XPNPEP3: variants seen among roughly 807,000 people sequenced by gnomAD.
XPNPEP3 encodes X-prolyl aminopeptidase 3.
In XPNPEP3, 41 loss-of-function variants were observed where a neutral mutation model predicts 60.0. The observed-to-expected ratio is 0.68, with a 90% CI of 0.53 to 0.89. The LOEUF is 0.89. Among genes scored for constraint, XPNPEP3 ranks in the 40% least tolerant of loss-of-function variants. XPNPEP3 has a pLI of 0.00. For synonymous variants in XPNPEP3, 212 were observed against 223.2 expected, an observed-to-expected ratio of 0.95 and a Z score of 0.45; for missense variants, 598 against 638.9, an observed-to-expected ratio of 0.94 and a Z score of 0.69.
Position 40,901,876 on chromosome 22 carries a change from A to G in XPNPEP3, c.793-5711A>G, listed in dbSNP as rs568586676. On this transcript the variant is annotated intron_variant, in intron 4 of 9. Transcript: ENST00000357137. ...GAGGAGAATGGGAATTAACTGCTTAATGGGTAAGGGATTTTCTTTTCTGGT... is the reference window on the plus strand; with the variant it reads ...GAGGAGAATGGGAATTAACTGCTTAGTGGGTAAGGGATTTTCTTTTCTGGT... Among the ~76,000 whole-genome samples the G allele has an allele frequency of 2.9e-4, 44 of 152,302 alleles. 1 individual carries two copies. The highest frequency in any genetic ancestry group is 3.5e-4 in the Non-Finnish European group (24 of 68,020).
intron 4 of XPNPEP3, among the ~76,000 whole-genome samples, chr22:40,891,578 G>A (rs934475130): frequency 7.2e-5 from 11 of 151,974 alleles, no homozygotes; most frequent in African/African-American, 2.4e-4. Flanking sequence ...GCTCGAACCT[G>A]GGAGGCAGAG....
Position 40,915,661 on chromosome 22 carries a change from T to C in XPNPEP3, c.1055+1337T>C, listed in dbSNP as rs1389440175. On this transcript the variant is annotated intron_variant, in intron 7 of 9. Coordinates refer to ENST00000357137, the MANE Select transcript of XPNPEP3 (RefSeq NM_022098.4). ...TGGGCGGCAGAAAGCCACAGCCTTA[T>C]TGATTTAAGATATCAAATGATAGAT... Among the ~76,000 whole-genome samples, 7 of 152,134 alleles carry C rather than the reference T, an allele frequency of 4.6e-5. No homozygotes were observed. In the East Asian group the frequency reaches 1.3e-3, roughly 29 times the overall value.
intron 4 of XPNPEP3, 45 bp downstream of exon 4, chr22:40,886,560 T>A: frequency 6.3e-7 from 1 of 1,588,546 alleles, no homozygotes; most frequent in East Asian, 2.2e-5. Flanking sequence ...GCGCGGTGGC[T>A]CACGCCTGTA....
At chr22:40,861,340 A>G (rs2057945021) in intron 1 of XPNPEP3, 5 of 1,613,976 alleles carry the variant, frequency 3.1e-6, no homozygotes, top group Non-Finnish European at 4.2e-6. Flanking sequence ...AAAAATGTCA[A>G]CTCTCCATTA....
intron 4 of XPNPEP3, among the ~76,000 whole-genome samples, chr22:40,889,913 A>G (rs938159479): frequency 6.8e-4 from 103 of 152,212 alleles, no homozygotes; most frequent in African/African-American, 2.5e-3. Context: ...GAATTATCCA[A>G]TTACACTTTC....
intron 1 of XPNPEP3, among the ~76,000 whole-genome samples, chr22:40,868,449 G>GTT (rs1419335911): frequency 6.6e-6 from 1 of 151,394 alleles, no homozygotes; most frequent in Admixed American, 6.6e-5. Context: ...GTGTGTGTGT[G>GTT]TGTGTATGTG....
At chr22:40,881,700 A>G in intron 2 of XPNPEP3, 70 bp from the exon 3 acceptor site, 1 of 1,543,084 alleles carries the variant, frequency 6.5e-7, no homozygotes, top group Non-Finnish European at 9.0e-7. Context: ...ATTTCCATCT[A>G]ATATTAAACT....
At position 40,880,712 on chromosome 22, in the gene XPNPEP3, C is replaced by T. The variant is rs115473731; in HGVS notation, c.182-1058C>T. 9.1e-3 allele frequency among the ~76,000 whole-genome samples: 1,373 copies of T among 150,746 alleles called. 18 individuals are homozygous for T. Among genetic ancestry groups the T allele is most frequent in the African/African-American group, 0.032 (1,312 of 40,948 alleles). Reference sequence around the variant, plus strand: ...GCACGATGGCTTACACCTGTAACCCCAGCACTTTGGGAGGCTGAGGCAGGC... The same window carrying T: ...GCACGATGGCTTACACCTGTAACCCTAGCACTTTGGGAGGCTGAGGCAGGC... On this transcript the variant is annotated intron_variant, in intron 2 of 9. Coordinates refer to ENST00000357137, the MANE Select transcript of XPNPEP3 (RefSeq NM_022098.4).
intron 3 of XPNPEP3, among the ~76,000 whole-genome samples, chr22:40,882,421 G>A (rs972392537): frequency 6.6e-6 from 1 of 152,196 alleles, no homozygotes; most frequent in African/African-American, 2.4e-5. Context: ...CAGGTTCCTT[G>A]TGGCCAGGAG....
intron 4 of XPNPEP3, among the ~76,000 whole-genome samples, chr22:40,887,572 G>A (rs1056683383): frequency 1.3e-5 from 2 of 152,026 alleles, no homozygotes; most frequent in Non-Finnish European, 2.9e-5. Context: ...ACAAGGCCAT[G>A]GTCCTATCAA....
chr22:40,878,206 CAA>C (rs201923483), intron 2 of XPNPEP3, among the ~76,000 whole-genome samples: 30 of 108,112 alleles, frequency 2.8e-4, no homozygotes, highest in Middle Eastern at 5.8e-3. Flanking sequence ...AGCTCTATCT[CAA>C]AAAAAAAAAA....
intron 1 of XPNPEP3, among the ~76,000 whole-genome samples, chr22:40,858,680 C>A (rs542964487): frequency 6.7e-6 from 1 of 149,780 alleles, no homozygotes; most frequent in Admixed American, 6.6e-5. Flanking sequence ...TACAGGCGCC[C>A]GCCACCACGC....
At chr22:40,873,884 A>C (rs2058017842) in intron 2 of XPNPEP3, among the ~76,000 whole-genome samples, 1 of 151,806 alleles carries the variant, frequency 6.6e-6, no homozygotes, top group Non-Finnish European at 1.5e-5. Flanking sequence ...TAAAATGATG[A>C]AATGATTGAT....
At chr22:40,915,746 G>A (rs989681206) in intron 7 of XPNPEP3, among the ~76,000 whole-genome samples, 1 of 152,072 alleles carries the variant, frequency 6.6e-6, no homozygotes, top group Non-Finnish European at 1.5e-5. Context: ...AAGGGCTTGT[G>A]GAAACTCTGA....
At chr22:40,921,280 C>A (rs1047035676) in intron 7 of XPNPEP3, among the ~76,000 whole-genome samples, 1 of 152,072 alleles carries the variant, frequency 6.6e-6, no homozygotes, top group Admixed American at 6.6e-5. Context: ...GGAAGGGCCA[C>A]TTCTGCTGGC....
intron 9 of XPNPEP3, among the ~76,000 whole-genome samples, chr22:40,925,198 T>C (rs531977659): frequency 6.6e-6 from 1 of 152,300 alleles, no homozygotes; most frequent in African/African-American, 2.4e-5. Context: ...CACTCCTTAG[T>C]ATCCATCGCC....
At position 40,924,570 on chromosome 22, in the gene XPNPEP3, CTGGAG is replaced by C. The variant is rs1411379455; in HGVS notation, c.1357+91_1357+95del. On this transcript the variant is annotated intron_variant, in intron 9 of 9. Transcript: ENST00000357137. ...ATGGAGTTTTGCTCTTTCGCCCAGGCTGGAGTGAAGTGGTGTGATCTTCACTCACT... is the reference window on the plus strand; with the variant it reads ...ATGGAGTTTTGCTCTTTCGCCCAGGCTGAAGTGGTGTGATCTTCACTCACT... 2.6e-6 allele frequency: 4 copies of C among 1,554,302 alleles called. No homozygotes were observed. In the African/African-American group the frequency reaches 5.4e-5, roughly 21 times the overall value.
intron 7 of XPNPEP3, among the ~76,000 whole-genome samples, chr22:40,914,531 A>AT (rs560908648): frequency 0.033 from 2,251 of 67,748 alleles, 411 homozygotes; most frequent in Non-Finnish European, 0.046. Flanking sequence ...ACTAACAAAG[A>AT]TTTTTTTTTT....
intron 1 of XPNPEP3, chr22:40,860,796 G>A (rs777556440): frequency 1.5e-6 from 1 of 654,580 alleles, no homozygotes; most frequent in Non-Finnish European, 2.5e-6. Context: ...GACTACAGGT[G>A]CACACCACCA....
Sources: allele counts gnomAD v4.1 joint callset (sites outside exome capture counted in the v4.1 genomes callset), GRCh38; gene constraint gnomAD v4.1.1; transcripts MANE v1.5; gene names NCBI Gene and HGNC (gene_info 2026-07-23, HGNC 2026-07-21).